Variants in GRM4 observed in about 807,000 individuals in gnomAD.
The protein encoded by GRM4 is metabotropic glutamate receptor 4.
In GRM4, 28 loss-of-function variants were observed where a neutral mutation model predicts 81.7. That is an observed-to-expected ratio of 0.34 (90% CI 0.25 to 0.47). The LOEUF is 0.47. Ranked by LOEUF, GRM4 falls within the 20% of genes least tolerant of loss-of-function variation. GRM4 has a pLI of 1.00. For missense variants in GRM4, 948 were observed against 1,290.0 expected, an observed-to-expected ratio of 0.73 and a Z score of 4.06; for synonymous variants, 488 against 528.8, an observed-to-expected ratio of 0.92 and a Z score of 1.06.
chr6:34,138,505 G>A (rs1202888964), intron 1 of GRM4, among the ~76,000 whole-genome samples: 1 of 152,192 alleles, frequency 6.6e-6, no homozygotes, highest in Non-Finnish European at 1.5e-5. Flanking sequence ...GGATGGCAGC[G>A]CCACTGCCCC....
At position 34,036,323 on chromosome 6, in the gene GRM4, A is replaced by G; in HGVS notation, c.1787T>C (p.Val596Ala). 1 of 1,614,058 alleles carries G rather than the reference A, an allele frequency of 6.2e-7. No individual in the cohort carries two copies. Among genetic ancestry groups the G allele is most frequent in the Non-Finnish European group, 8.5e-7 (1 of 1,180,008 alleles). ...GAACAACGTGGCAGCGATGCCCACCACGGCCAGGAAGAGGGGCAGCACGGC... is the reference window on the plus strand; with the variant it reads ...GAACAACGTGGCAGCGATGCCCACCGCGGCCAGGAAGAGGGGCAGCACGGC... ...PWAVLPLFLA[V>A]VGIAATLFVV... The change falls in exon 9 of 11, where the codon GTG becomes GCG. Residue 596 changes from valine (V) to alanine (A), a missense_variant. Coordinates refer to ENST00000538487, the MANE Select transcript of GRM4 (RefSeq NM_000841.4). This position sits in a 1 kb window ranked among gnomAD's most constrained non-coding sequence, Gnocchi z 9.0.
intron 4 of GRM4, 136 bp downstream of exon 4, chr6:34,061,757 A>C: frequency 1.1e-6 from 1 of 875,138 alleles, no homozygotes; most frequent in Non-Finnish European, 1.8e-6. Context: ...CCACATACCC[A>C]CTCACCAGCA....
intron 6 of GRM4, 151 bp downstream of exon 6, chr6:34,056,393 C>T: frequency 1.5e-6 from 1 of 676,626 alleles, no homozygotes; most frequent in African/African-American, 1.8e-5. Context: ...CCCAGGCCTC[C>T]CAACTCCACC....
At chr6:34,023,238 G>C (rs1371337797) in intron 10 of GRM4, among the ~76,000 whole-genome samples, 4 of 152,310 alleles carry the variant, frequency 2.6e-5, no homozygotes, top group African/African-American at 9.6e-5. Context: ...CCCCAGCACG[G>C]GGCCCCTGCC....
At chr6:34,053,670 C>T (rs1765722087) in intron 6 of GRM4, among the ~76,000 whole-genome samples, 1 of 152,230 alleles carries the variant, frequency 6.6e-6, no homozygotes, top group Admixed American at 6.5e-5. Flanking sequence ...CCCACCCTTC[C>T]CTCCAAGCCA....
chr6:34,119,786 T>A (rs1371591720), intron 2 of GRM4, among the ~76,000 whole-genome samples: 4 of 152,190 alleles, frequency 2.6e-5, no homozygotes, highest in Non-Finnish European at 5.9e-5. Context: ...ACGAAGCATG[T>A]CCCTGGAAAT....
intron 1 of GRM4, among the ~76,000 whole-genome samples, chr6:34,144,900 C>T (rs1051891121): frequency 1.5e-4 from 23 of 152,244 alleles, no homozygotes; most frequent in Middle Eastern, 3.4e-3. Context: ...AGGGGAGACC[C>T]TCTAGTTCAG....
upstream of GRM4, among the ~76,000 whole-genome samples, chr6:34,150,915 C>T (rs1053506053): frequency 2.0e-5 from 3 of 152,196 alleles, no homozygotes; most frequent in Non-Finnish European, 4.4e-5. Context: ...AGCAGGGCAG[C>T]AAGTGGTAGG....
intron 3 of GRM4, among the ~76,000 whole-genome samples, chr6:34,088,735 A>G (rs1021032361): frequency 6.6e-6 from 1 of 152,146 alleles, no homozygotes; most frequent in Admixed American, 6.5e-5. Context: ...GCAAAATGGG[A>G]AAAAAACACC....
intron 6 of GRM4, among the ~76,000 whole-genome samples, chr6:34,051,126 G>A (rs977142576): frequency 4.6e-5 from 7 of 152,186 alleles, no homozygotes; most frequent in Non-Finnish European, 8.8e-5. Flanking sequence ...ACCTTTCACC[G>A]GCAGGGTGGA....
At chr6:34,067,106 C>T (rs1360840389) in intron 3 of GRM4, among the ~76,000 whole-genome samples, 2 of 152,170 alleles carry the variant, frequency 1.3e-5, no homozygotes, top group East Asian at 3.9e-4. Flanking sequence ...CTGGTGTGAG[C>T]TGGAACCGTC....
At chr6:34,083,949 C>A (rs1481680498) in intron 3 of GRM4, among the ~76,000 whole-genome samples, 2 of 152,206 alleles carry the variant, frequency 1.3e-5, no homozygotes, top group African/African-American at 4.8e-5. Flanking sequence ...AAACGCCAAG[C>A]CCTGAGGGGT....
At chr6:34,116,711 A>C (rs557527082) in intron 2 of GRM4, among the ~76,000 whole-genome samples, 1 of 152,250 alleles carries the variant, frequency 6.6e-6, no homozygotes, top group Admixed American at 6.5e-5. Flanking sequence ...ACACGTACAC[A>C]AATGTTAAGA....
intron 2 of GRM4, among the ~76,000 whole-genome samples, chr6:34,098,595 ACAAGCCCCAGGCTTGGCTGCCTG>A (rs1289862434): frequency 6.6e-6 from 1 of 152,228 alleles, no homozygotes; most frequent in Non-Finnish European, 1.5e-5. Flanking sequence ...CGGGGCCAGC[ACAAGCCCCAGGCTTGGCTGCCTG>A]CTCCTTGCCC....
In GRM4 at chr6:34,068,128, C is replaced by T. The variant is rs188157349; in HGVS notation, c.737-6100G>A. 5.0e-4 allele frequency among the ~76,000 whole-genome samples: 76 copies of T among 152,334 alleles called. No individual in the cohort carries two copies. The highest frequency in any genetic ancestry group is 1.0e-3 in the Non-Finnish European group (70 of 68,028). On this transcript the variant is annotated intron_variant, in intron 3 of 10. Coordinates refer to ENST00000538487, the MANE Select transcript of GRM4 (RefSeq NM_000841.4). The surrounding 1 kb of genome is among the most constrained non-coding windows in gnomAD (Gnocchi z 4.2). ...ATCCTGGAATCGGTGCAGAGGAGGA[C>T]AGCAGCAGCATGACGTGCTGGAGGG...
chr6:34,100,373 C>A (rs1029897229), intron 2 of GRM4, among the ~76,000 whole-genome samples: 2 of 152,202 alleles, frequency 1.3e-5, no homozygotes, highest in African/African-American at 4.8e-5. Context: ...CTGCAGTTTC[C>A]CCTCTGTGAT....
At position 34,080,421 on chromosome 6, in the gene GRM4, C is replaced by A. The variant is rs930101965; in HGVS notation, c.736+11462G>T. 2.0e-5 allele frequency among the ~76,000 whole-genome samples: 3 copies of A among 152,228 alleles called. No homozygotes were observed. Among genetic ancestry groups the A allele is most frequent in the Non-Finnish European group, 2.9e-5 (2 of 68,034 alleles). ...GCCCTTTCCCCAAGTGTGAGCCCCA[C>A]AAGGCCAGGAGCTTCATCTGCTTAG... On this transcript the variant is annotated intron_variant, in intron 3 of 10. Transcript: ENST00000538487. This position sits in a 1 kb window ranked among gnomAD's most constrained non-coding sequence, Gnocchi z 5.4.
At chr6:34,142,215 C>G (rs554482556) in intron 1 of GRM4, among the ~76,000 whole-genome samples, 1 of 152,182 alleles carries the variant, frequency 6.6e-6, no homozygotes, top group Non-Finnish European at 1.5e-5. Context: ...TCTGCAGCCC[C>G]GGTGAGTGGG....
At chr6:34,044,285 C>CACATACACACAT (rs200206367) in intron 6 of GRM4, among the ~76,000 whole-genome samples, 1 of 151,308 alleles carries the variant, frequency 6.6e-6, no homozygotes, top group African/African-American at 2.4e-5. Flanking sequence ...CATACACACA[C>CACATACACACAT]ACATAGACAT....
Sources: gnomAD v4.1 joint callset for allele counts (sites outside exome capture counted in the v4.1 genomes callset) on GRCh38, gnomAD v4.1.1 for gene constraint, Gnocchi (gnomAD v3.1) non-coding constraint, MANE v1.5 for transcripts, NCBI Gene and HGNC (gene_info 2026-07-23, HGNC 2026-07-21) for gene names.